TMEM132C: variants seen among roughly 807,000 people sequenced by gnomAD.
The protein encoded by TMEM132C is protein phosphatase 1, regulatory subunit 152.
In TMEM132C, 29 loss-of-function variants were observed where a neutral mutation model predicts 61.4. That is an observed-to-expected ratio of 0.47 (90% CI 0.35 to 0.64). The LOEUF (loss-of-function observed/expected upper bound fraction) is 0.64. Among genes scored for constraint, TMEM132C ranks in the 30% least tolerant of loss-of-function variants. TMEM132C has a pLI of 0.00. For missense variants in TMEM132C, 1,408 were observed against 1,476.9 expected (o/e 0.95, Z 0.76); for synonymous variants, 656 against 633.1 (o/e 1.04, Z -0.54).
chr12:128,617,968 A>G (rs1876867922), intron 4 of TMEM132C, among the ~76,000 whole-genome samples: 1 of 152,256 alleles, frequency 6.6e-6, no homozygotes, highest in East Asian at 1.9e-4. Flanking sequence ...TTTGTACACC[A>G]TGCAAGCTAA....
intron 3 of TMEM132C, among the ~76,000 whole-genome samples, chr12:128,568,865 G>A (rs941213575): frequency 1.3e-5 from 2 of 152,182 alleles, no homozygotes; most frequent in Non-Finnish European, 2.9e-5. Context: ...TCAATGTGAA[G>A]CCAGAAAAGG....
intron 3 of TMEM132C, among the ~76,000 whole-genome samples, chr12:128,544,720 G>A: frequency 6.6e-6 from 1 of 152,102 alleles, no homozygotes; most frequent in South Asian, 2.1e-4. Context: ...TTCCTTCCAG[G>A]GTGTTATACC....
At chr12:128,270,525 T>C (rs1870473891) in intron 1 of TMEM132C, among the ~76,000 whole-genome samples, 1 of 152,188 alleles carries the variant, frequency 6.6e-6, no homozygotes, top group Non-Finnish European at 1.5e-5. Context: ...TTGTCAGTGC[T>C]TTAGGGGTTT....
intron 1 of TMEM132C, among the ~76,000 whole-genome samples, chr12:128,308,554 A>C (rs1871864962): frequency 6.6e-6 from 1 of 152,110 alleles, no homozygotes; most frequent in African/African-American, 2.4e-5. Context: ...TGAATGGAGG[A>C]ATGTTTGTAA....
chr12:128,267,186 C>T lies in TMEM132C; in HGVS notation c.-217C>T, dbSNP rs948250027. On this transcript the variant is annotated 5_prime_UTR_variant, in exon 1 of 9. Transcript: ENST00000435159. ...GCTGCGGGAGAAAAGTTGTCCCGGC[C>T]GGAGCGCGAGCAGCGGCGGAGCCGG... 8.9e-5 allele frequency among the ~76,000 whole-genome samples: 13 copies of T among 146,420 alleles called. No homozygotes were observed. Among genetic ancestry groups the T allele is most frequent in the Non-Finnish European group, 1.5e-4 (10 of 65,872 alleles).
intron 3 of TMEM132C, among the ~76,000 whole-genome samples, chr12:128,572,191 C>T (rs1874911649): frequency 6.6e-6 from 1 of 152,016 alleles, no homozygotes; most frequent in Non-Finnish European, 1.5e-5. Flanking sequence ...GGTCACATGC[C>T]CACTGTGCCA....
intron 2 of TMEM132C, among the ~76,000 whole-genome samples, chr12:128,479,758 C>T (rs919795238): frequency 1.3e-5 from 2 of 152,266 alleles, no homozygotes; most frequent in Admixed American, 1.3e-4. Flanking sequence ...TGCAATGTGA[C>T]CTTAAGCAAA....
chr12:128,686,823 G>C (rs941289459), intron 5 of TMEM132C, among the ~76,000 whole-genome samples: 9 of 152,184 alleles, frequency 5.9e-5, no homozygotes, highest in Non-Finnish European at 1.3e-4. Context: ...AAAATCTACA[G>C]TGCATCAGGT....
chr12:128,588,355 C>T (rs1875626983), intron 3 of TMEM132C, among the ~76,000 whole-genome samples: 1 of 152,094 alleles, frequency 6.6e-6, no homozygotes, highest in Non-Finnish European at 1.5e-5. Flanking sequence ...TTGCTTGAGC[C>T]AGGGAGGTTG....
chr12:128,309,900 T>A (rs1272552555), intron 1 of TMEM132C, among the ~76,000 whole-genome samples: 1 of 151,998 alleles, frequency 6.6e-6, no homozygotes, highest in African/African-American at 2.4e-5. Flanking sequence ...CATGCCTGGC[T>A]AATTTTTGTA....
intron 5 of TMEM132C, among the ~76,000 whole-genome samples, chr12:128,680,058 G>A (rs3892329): frequency 0.52 from 79,024 of 151,984 alleles, 21,252 homozygotes; most frequent in African/African-American, 0.68. Flanking sequence ...GGATGAAGGA[G>A]GATGAAGAGT....
intron 1 of TMEM132C, among the ~76,000 whole-genome samples, chr12:128,310,239 T>C (rs1231823720): frequency 6.6e-6 from 1 of 152,196 alleles, no homozygotes; most frequent in Non-Finnish European, 1.5e-5. Flanking sequence ...ATTAGTTAAA[T>C]ACCATTAAAT....
chr12:128,616,762 T>G (rs1298094239), intron 4 of TMEM132C, among the ~76,000 whole-genome samples: 3 of 152,200 alleles, frequency 2.0e-5, no homozygotes, highest in South Asian at 2.1e-4. Flanking sequence ...AGCATTGAAC[T>G]CTCAGAGGCT....
At chr12:128,695,156 T>C (rs1954749732) in intron 6 of TMEM132C, among the ~76,000 whole-genome samples, 1 of 152,210 alleles carries the variant, frequency 6.6e-6, no homozygotes, top group East Asian at 1.9e-4. Context: ...CTAGCACAAG[T>C]AGCTATGGAG....
chr12:128,393,447 A>G lies in TMEM132C; in HGVS notation c.86-21285A>G, dbSNP rs150681734. Among the ~76,000 whole-genome samples the G allele has an allele frequency of 3.3e-3, 502 of 152,332 alleles. 1 individual carries two copies. The highest frequency in any genetic ancestry group is 0.017 in the Middle Eastern group (5 of 294). On this transcript the variant is annotated intron_variant, in intron 1 of 8. Coordinates refer to ENST00000435159, the MANE Select transcript of TMEM132C (RefSeq NM_001136103.3). ...CAACAGGCTTCACCACCACAAGCTC[A>G]TGAATTAACAGCCCTTGTTTATTTT...
chr12:128,613,046 A>G (rs1183475689), intron 3 of TMEM132C, among the ~76,000 whole-genome samples: 1 of 152,202 alleles, frequency 6.6e-6, no homozygotes, highest in East Asian at 1.9e-4. Flanking sequence ...TAAGAGAGTG[A>G]AGAGAAGTGC....
At chr12:128,271,094 A>C (rs1385907686) in intron 1 of TMEM132C, among the ~76,000 whole-genome samples, 1 of 151,864 alleles carries the variant, frequency 6.6e-6, no homozygotes, top group Non-Finnish European at 1.5e-5. Context: ...TCTCTACTAA[A>C]AATACAAAAA....
intron 4 of TMEM132C, among the ~76,000 whole-genome samples, chr12:128,624,429 A>G (rs1206811090): frequency 3.3e-5 from 5 of 151,618 alleles, no homozygotes; most frequent in Non-Finnish European, 5.9e-5. Context: ...CTGTAATCCC[A>G]GCTACTTGGG....
chr12:128,526,441 G>T (rs1253056513), intron 2 of TMEM132C, among the ~76,000 whole-genome samples: 1 of 152,110 alleles, frequency 6.6e-6, no homozygotes, highest in Non-Finnish European at 1.5e-5. Context: ...ATTCATGAGG[G>T]TTCCACCCTG....
Sources: gnomAD v4.1 joint callset for allele counts (sites outside exome capture counted in the v4.1 genomes callset) on GRCh38, gnomAD v4.1.1 for gene constraint, MANE v1.5 for transcripts, NCBI Gene and HGNC (gene_info 2026-07-23, HGNC 2026-07-21) for gene names.